YEATS2: variants seen among roughly 807,000 people sequenced by gnomAD.
The protein encoded by YEATS2 is YEATS domain-containing protein 2.
YEATS2 carries 77 observed loss-of-function variants against 163.2 expected under a neutral mutation model. The observed-to-expected ratio is 0.47, with a 90% CI of 0.39 to 0.57. The LOEUF is 0.57. YEATS2 is among the 20% of genes least tolerant of loss of function. YEATS2 has a pLI of 0.00. For missense variants in YEATS2, 1,549 were observed against 1,729.8 expected, an observed-to-expected ratio of 0.90 and a Z score of 1.85; for synonymous variants, 631 against 645.1, an observed-to-expected ratio of 0.98 and a Z score of 0.33.
At chr3:183,792,104 C>G (rs1724709331) in intron 21 of YEATS2, among the ~76,000 whole-genome samples, 1 of 152,028 alleles carries the variant, frequency 6.6e-6, no homozygotes, top group South Asian at 2.1e-4. Context: ...TTCTAAAATC[C>G]CAAAAGCTGT....
intron 8 of YEATS2, among the ~76,000 whole-genome samples, chr3:183,739,045 C>T (rs1249622463): frequency 6.8e-6 from 1 of 146,576 alleles, no homozygotes; most frequent in Non-Finnish European, 1.5e-5. Flanking sequence ...CCTATTTCTC[C>T]ACATCCTCTC....
At chr3:183,726,920 G>T (rs1717166141) in intron 6 of YEATS2, among the ~76,000 whole-genome samples, 2 of 152,130 alleles carry the variant, frequency 1.3e-5, no homozygotes, top group Admixed American at 6.6e-5. Context: ...TCCTGCGTCA[G>T]CCTCACAAGT....
intron 19 of YEATS2, among the ~76,000 whole-genome samples, chr3:183,785,432 T>G (rs1723970180): frequency 7.1e-6 from 1 of 140,730 alleles, no homozygotes; most frequent in African/African-American, 2.7e-5. Context: ...GAGGTTGCAG[T>G]AAGCCAAGAT....
chr3:183,745,461 C>T (rs1397377872), intron 8 of YEATS2, among the ~76,000 whole-genome samples: 2 of 152,038 alleles, frequency 1.3e-5, no homozygotes, highest in Non-Finnish European at 2.9e-5. Context: ...GGCCGTCTTT[C>T]CTTGGGTCTT....
At chr3:183,731,170 G>C (rs1471978219) in intron 7 of YEATS2, among the ~76,000 whole-genome samples, 1 of 151,814 alleles carries the variant, frequency 6.6e-6, no homozygotes, top group African/African-American at 2.4e-5. Context: ...GTGGTGGCTC[G>C]TGCCTGTAAT....
At chr3:183,714,495 C>T (rs978261015) in intron 1 of YEATS2, among the ~76,000 whole-genome samples, 2 of 151,678 alleles carry the variant, frequency 1.3e-5, no homozygotes, top group South Asian at 2.1e-4. Context: ...CGTGCCCGGC[C>T]GGGATTTTTT....
chr3:183,700,468 G>A (rs1197818134), intron 1 of YEATS2, among the ~76,000 whole-genome samples: 2 of 152,028 alleles, frequency 1.3e-5, no homozygotes, highest in Non-Finnish European at 2.9e-5. Flanking sequence ...CTATCTCCCT[G>A]CCTTTGGTCC....
rs150833861 is a variant in YEATS2, at chr3:183,768,027, G to A, written c.1948-4278G>A. Reference sequence around the variant, plus strand: ...AAGTAGATTCTGTGTAATTTAACTTGTGAAATAGGTTATTTGATATGTTTG... The same window carrying A: ...AAGTAGATTCTGTGTAATTTAACTTATGAAATAGGTTATTTGATATGTTTG... On this transcript the variant is annotated intron_variant, in intron 15 of 30. Coordinates refer to ENST00000305135, the MANE Select transcript of YEATS2 (RefSeq NM_018023.5). Among the ~76,000 whole-genome samples the A allele has an allele frequency of 2.6e-5, 4 of 152,326 alleles. No homozygotes were observed. The East Asian group carries it at 7.7e-4, about 29-fold the overall frequency.
intron 5 of YEATS2, among the ~76,000 whole-genome samples, chr3:183,723,917 A>G (rs1716797412): frequency 6.6e-6 from 1 of 152,202 alleles, no homozygotes; most frequent in Non-Finnish European, 1.5e-5. Context: ...GTCTCAAAAA[A>G]TAGAATTTAG....
At chr3:183,766,571 T>A (rs1421637345) in intron 15 of YEATS2, among the ~76,000 whole-genome samples, 1 of 152,236 alleles carries the variant, frequency 6.6e-6, no homozygotes, top group East Asian at 1.9e-4. Flanking sequence ...AATGGGTGTC[T>A]GCTTTCTCAA....
At chr3:183,735,014 A>T (rs1718191838) in intron 7 of YEATS2, among the ~76,000 whole-genome samples, 1 of 152,158 alleles carries the variant, frequency 6.6e-6, no homozygotes, top group South Asian at 2.1e-4. Context: ...GCTTCTAAAA[A>T]TATGGTTATG....
At chr3:183,775,421 C>A (rs999918853) in intron 17 of YEATS2, among the ~76,000 whole-genome samples, 1 of 151,820 alleles carries the variant, frequency 6.6e-6, no homozygotes, top group Admixed American at 6.5e-5. Context: ...CATGGTGAAA[C>A]CCCCTCTCTA....
intron 15 of YEATS2, among the ~76,000 whole-genome samples, chr3:183,768,494 T>C (rs1361786466): frequency 1.3e-5 from 2 of 152,236 alleles, no homozygotes; most frequent in Admixed American, 6.5e-5. Flanking sequence ...GGGGTTCAAC[T>C]AGCAGTTTCT....
At chr3:183,802,295 AT>A (rs1446384398) in intron 25 of YEATS2, 1 of 152,684 alleles carries the variant, frequency 6.5e-6, no homozygotes, top group Non-Finnish European at 1.5e-5. Flanking sequence ...CGCCACTCAG[AT>A]TTGTAGGGCT....
At chr3:183,718,649 G>A (rs1318807809) in intron 4 of YEATS2, 57 bp downstream of exon 4, 6 of 1,338,784 alleles carry the variant, frequency 4.5e-6, no homozygotes, top group Non-Finnish European at 5.2e-6. Flanking sequence ...TGTCTGAGGG[G>A]AAGTTATGTC....
chr3:183,721,319 T>G (rs1177014621), intron 4 of YEATS2, among the ~76,000 whole-genome samples: 1 of 152,214 alleles, frequency 6.6e-6, no homozygotes. Context: ...CTAGGCTTCC[T>G]AGGAACATAA....
intron 21 of YEATS2, among the ~76,000 whole-genome samples, chr3:183,791,542 C>G (rs2108485404): frequency 6.6e-6 from 1 of 152,238 alleles, no homozygotes; most frequent in African/African-American, 2.4e-5. Context: ...CACGCAGAAC[C>G]CTACTGGGTA....
intron 11 of YEATS2, 63 bp downstream of exon 11, chr3:183,754,428 A>G: frequency 6.5e-7 from 1 of 1,536,134 alleles, no homozygotes; most frequent in Non-Finnish European, 8.8e-7. Context: ...TGTTGGAACA[A>G]CAAAACAAAA....
Position 183,782,213 on chromosome 3 carries a change from G to A in YEATS2, c.2737-3912G>A, listed in dbSNP as rs1003453095. ...CAACCTCTGCCTCCCGGGTTCAAGC[G>A]ATTCTCCTGCCTCAGCCTCCCGAGT... On this transcript the variant is annotated intron_variant, in intron 19 of 30. Coordinates refer to ENST00000305135, the MANE Select transcript of YEATS2 (RefSeq NM_018023.5). 4.6e-5 allele frequency among the ~76,000 whole-genome samples: 7 copies of A among 151,860 alleles called. 1 individual carries two copies. The highest frequency in any genetic ancestry group is 3.9e-4 in the East Asian group (2 of 5,166).
Sources: allele counts gnomAD v4.1 joint callset (sites outside exome capture counted in the v4.1 genomes callset), GRCh38; gene constraint gnomAD v4.1.1; transcripts MANE v1.5; gene names NCBI Gene and HGNC (gene_info 2026-07-23, HGNC 2026-07-21).